Variants in PDE4B observed in about 807,000 individuals in gnomAD.
The protein encoded by PDE4B is 3',5'-cyclic-AMP phosphodiesterase 4B.
PDE4B carries 20 observed loss-of-function variants against 82.2 expected under a neutral mutation model. That is an observed-to-expected ratio of 0.24 (90% CI 0.17 to 0.35). The LOEUF is 0.35. Ranked by LOEUF, PDE4B falls within the 10% of genes least tolerant of loss-of-function variation. The probability of loss-of-function intolerance (pLI) is 1.00; values close to 1 mark genes in which losing one functional copy is unlikely to be tolerated. For synonymous variants in PDE4B, 320 were observed against 318.9 expected (o/e 1.00, Z -0.04); for missense variants, 655 against 907.2 (o/e 0.72, Z 3.57).
intron 3 of PDE4B, among the ~76,000 whole-genome samples, chr1:66,091,055 A>G (rs1645013177): frequency 6.6e-6 from 1 of 151,998 alleles, no homozygotes; most frequent in Admixed American, 6.6e-5. Context: ...TGCCCTTGAC[A>G]GCACCCTGTT....
At chr1:65,813,907 A>AC (rs1557759837) in intron 1 of PDE4B, among the ~76,000 whole-genome samples, 1 of 151,954 alleles carries the variant, frequency 6.6e-6, no homozygotes, top group African/African-American at 2.4e-5. Context: ...AAAAAAAAAA[A>AC]AAAAAACAAC....
At chr1:66,317,301 A>G (rs193154482) in intron 7 of PDE4B, among the ~76,000 whole-genome samples, 200 of 152,296 alleles carry the variant, frequency 1.3e-3, no homozygotes, top group Middle Eastern at 6.8e-3. Flanking sequence ...TGAGTCTCCT[A>G]CTAAAGTGTT....
chr1:65,928,188 G>T (rs1647614249), intron 3 of PDE4B, among the ~76,000 whole-genome samples: 1 of 150,678 alleles, frequency 6.6e-6, no homozygotes, highest in African/African-American at 2.4e-5. Context: ...CTTCCTCAAG[G>T]GTACCTGGCC....
intron 3 of PDE4B, among the ~76,000 whole-genome samples, chr1:66,004,862 G>C (rs771666489): frequency 6.6e-6 from 1 of 151,886 alleles, no homozygotes; most frequent in Non-Finnish European, 1.5e-5. Flanking sequence ...TATTTTTTGA[G>C]TGGAGAAGGA....
intron 3 of PDE4B, among the ~76,000 whole-genome samples, chr1:65,981,302 A>G (rs2100652307): frequency 6.6e-6 from 1 of 152,292 alleles, no homozygotes; most frequent in East Asian, 1.9e-4. Flanking sequence ...AAACTAATAT[A>G]CTTTCTTCCA....
chr1:66,086,660 C>T (rs1265336292), intron 3 of PDE4B, among the ~76,000 whole-genome samples: 6 of 152,116 alleles, frequency 3.9e-5, no homozygotes, highest in African/African-American at 7.2e-5. Flanking sequence ...TTTGTTTCTG[C>T]GAACCTTAAC....
chr1:66,267,629 G>A (rs1343075092), intron 7 of PDE4B: 1 of 152,132 alleles, frequency 6.6e-6, no homozygotes, highest in Non-Finnish European at 1.5e-5. Flanking sequence ...GGATTCTTTT[G>A]ATAAAGTCTT....
At chr1:66,131,453 G>A (rs1645941102) in intron 3 of PDE4B, among the ~76,000 whole-genome samples, 1 of 149,902 alleles carries the variant, frequency 6.7e-6, no homozygotes, top group African/African-American at 2.5e-5. Context: ...TTGAAAACAG[G>A]TCCTGAATCT....
intron 3 of PDE4B, among the ~76,000 whole-genome samples, chr1:66,065,068 TC>T (rs1346405389): frequency 1.3e-5 from 2 of 151,954 alleles, no homozygotes; most frequent in African/African-American, 4.8e-5. Context: ...TCAAACTTTT[TC>T]TTTCAAGATT....
At chr1:66,128,784 G>A (rs892373280) in intron 3 of PDE4B, among the ~76,000 whole-genome samples, 1 of 152,186 alleles carries the variant, frequency 6.6e-6, no homozygotes, top group Admixed American at 6.5e-5. Flanking sequence ...TGAAAGGTAC[G>A]TCTTATGTGG....
intron 3 of PDE4B, among the ~76,000 whole-genome samples, chr1:66,184,248 G>C (rs998319742): frequency 1.2e-4 from 19 of 152,146 alleles, no homozygotes; most frequent in Admixed American, 6.6e-5. Flanking sequence ...TGAGAGAAAA[G>C]AAAATCTGGC....
intron 8 of PDE4B, chr1:66,355,309 AG>A: frequency 2.4e-6 from 1 of 421,138 alleles, no homozygotes. Flanking sequence ...AAAAGTAATC[AG>A]ATGTTAATTC....
rs531839156 is a variant in PDE4B at position 66,334,828 on chromosome 1, A to T, written c.747+2208A>T. On this transcript the variant is annotated intron_variant, in intron 8 of 16. Transcript: ENST00000341517. The stretch of plus-strand genomic sequence containing the variant: ...ACATATGATATAAGGCAATGAGGCC[A>T]GGGAGTGGTGGCTCACGCCTGTAAT... Among the ~76,000 whole-genome samples the T allele has an allele frequency of 1.1e-4, 17 of 152,338 alleles. 1 individual carries two copies. In the South Asian group the frequency reaches 3.5e-3, roughly 32 times the overall value.
chr1:65,827,259 G>C (rs989835121), intron 1 of PDE4B, among the ~76,000 whole-genome samples: 1 of 150,086 alleles, frequency 6.7e-6, no homozygotes, highest in Non-Finnish European at 1.5e-5. Flanking sequence ...AAATTACAAG[G>C]AATACAAAAA....
At chr1:66,311,591 G>A (rs1488399283) in intron 7 of PDE4B, among the ~76,000 whole-genome samples, 1 of 152,214 alleles carries the variant, frequency 6.6e-6, no homozygotes, top group African/African-American at 2.4e-5. Context: ...TTCTGGCTGG[G>A]AGCCTTTGAC....
intron 3 of PDE4B, among the ~76,000 whole-genome samples, chr1:65,949,420 T>G (rs1341073157): frequency 6.6e-6 from 1 of 152,148 alleles, no homozygotes; most frequent in African/African-American, 2.4e-5. Flanking sequence ...AAGTTAATTG[T>G]ATCAGCTGAT....
At chr1:65,913,479 A>C (rs1045818634) in intron 2 of PDE4B, 123 bp downstream of exon 2, 7 of 879,702 alleles carry the variant, frequency 8.0e-6, no homozygotes, top group South Asian at 5.9e-5. Flanking sequence ...TTTCTATGAC[A>C]TGGGCACAGC....
intron 7 of PDE4B, among the ~76,000 whole-genome samples, chr1:66,279,850 A>T (rs950183973): frequency 1.3e-5 from 2 of 152,252 alleles, no homozygotes; most frequent in Non-Finnish European, 2.9e-5. Context: ...AACTGACTGC[A>T]CAAGGCCCAC....
intron 7 of PDE4B, among the ~76,000 whole-genome samples, chr1:66,269,485 T>C (rs1655303938): frequency 6.6e-6 from 1 of 152,174 alleles, no homozygotes; most frequent in African/African-American, 2.4e-5. Flanking sequence ...TCTCCCTACA[T>C]GGTGCTCAAG....
Sources: allele counts gnomAD v4.1 joint callset (sites outside exome capture counted in the v4.1 genomes callset), GRCh38; gene constraint gnomAD v4.1.1; transcripts MANE v1.5; gene names NCBI Gene and HGNC (gene_info 2026-07-23, HGNC 2026-07-21).